SYCP2L: variants seen among roughly 807,000 people sequenced by gnomAD.
The protein encoded by SYCP2L is synaptonemal complex protein 2 like, also known as synaptonemal complex protein 2-like.
In SYCP2L, 98 loss-of-function variants were observed where a neutral mutation model predicts 125.8. That is an observed-to-expected ratio of 0.78 (90% CI 0.66 to 0.92). SYCP2L has a LOEUF of 0.92. Among genes scored for constraint, SYCP2L ranks in the 40% least tolerant of loss-of-function variants. The pLI is 0.00. For synonymous variants in SYCP2L, 317 were observed against 325.4 expected (o/e 0.97, Z 0.28); for missense variants, 842 against 936.4 (o/e 0.90, Z 1.32).
At chr6:10,920,877 T>C (rs910923308) in intron 14 of SYCP2L, among the ~76,000 whole-genome samples, 5 of 152,282 alleles carry the variant, frequency 3.3e-5, no homozygotes, top group East Asian at 1.9e-4. Flanking sequence ...GTGCAGGATG[T>C]ACAGGTTTGT....
chr6:10,928,564 A>T, intron 18 of SYCP2L, 114 bp downstream of exon 18: 1 of 1,376,364 alleles, frequency 7.3e-7, no homozygotes, highest in Non-Finnish European at 9.4e-7. Context: ...CCATCTGTCA[A>T]TTTAAAAAAA....
chr6:10,904,079 G>A (rs987638960), intron 8 of SYCP2L, among the ~76,000 whole-genome samples: 2 of 152,198 alleles, frequency 1.3e-5, no homozygotes, highest in African/African-American at 4.8e-5. Context: ...TATTGTAAAG[G>A]TTAAATCAAG....
chr6:10,935,374 T>G (rs1416503584), intron 21 of SYCP2L, among the ~76,000 whole-genome samples, 187 bp downstream of exon 21: 1 of 152,248 alleles, frequency 6.6e-6, no homozygotes, highest in Non-Finnish European at 1.5e-5. Context: ...CTGTGCCATT[T>G]GAGATCATCT....
chr6:10,898,707 T>A, intron 5 of SYCP2L, 117 bp from the exon 6 acceptor site: 1 of 745,260 alleles, frequency 1.3e-6, no homozygotes, highest in Non-Finnish European at 2.3e-6. Context: ...AAAATGCTTT[T>A]CTTCTGTAAA....
chr6:10,971,315 G>A (rs1781766717), intron 29 of SYCP2L, among the ~76,000 whole-genome samples: 2 of 151,784 alleles, frequency 1.3e-5, no homozygotes, highest in Admixed American at 6.6e-5. Flanking sequence ...AAAATTAGCC[G>A]GGTGTGGTGG....
At chr6:10,894,896 A>G (rs921284884) in intron 4 of SYCP2L, among the ~76,000 whole-genome samples, 1 of 152,162 alleles carries the variant, frequency 6.6e-6, no homozygotes, top group Non-Finnish European at 1.5e-5. Flanking sequence ...CTGGCTGCTA[A>G]TAATGTCTTT....
At chr6:10,893,466 A>C (rs899378768) in intron 2 of SYCP2L, among the ~76,000 whole-genome samples, 16 of 152,292 alleles carry the variant, frequency 1.1e-4, no homozygotes, top group African/African-American at 3.6e-4. Context: ...ATAGGCTTGA[A>C]ATTTTTAGTG....
chr6:10,924,484 A>G lies in SYCP2L; in HGVS notation c.1073-12A>G. The G allele has an allele frequency of 1.9e-6, 3 of 1,554,262 alleles. No homozygotes were observed. Among genetic ancestry groups the G allele is most frequent in the African/African-American group, 1.4e-5 (1 of 71,608 alleles). Reference sequence around the variant, plus strand: ...ATGTTGCTATGCATTGATATTCCATATTTTCTCTTAGAAACGGAGAAGATA... The same window carrying G: ...ATGTTGCTATGCATTGATATTCCATGTTTTCTCTTAGAAACGGAGAAGATA... On this transcript the variant is annotated splice_polypyrimidine_tract_variant and intron_variant, in intron 14 of 29. Coordinates refer to ENST00000283141, the MANE Select transcript of SYCP2L (RefSeq NM_001040274.3).
intron 2 of SYCP2L, among the ~76,000 whole-genome samples, chr6:10,891,873 A>G (rs546474993): frequency 6.6e-6 from 1 of 152,324 alleles, no homozygotes; most frequent in Non-Finnish European, 1.5e-5. Context: ...CCCTGTGCAG[A>G]TATCTTGTGC....
chr6:10,962,015 C>T (rs1185608241), intron 28 of SYCP2L, among the ~76,000 whole-genome samples: 1 of 152,082 alleles, frequency 6.6e-6, no homozygotes, highest in Non-Finnish European at 1.5e-5. Flanking sequence ...TGTAATTCAT[C>T]AATACATCCT....
intron 4 of SYCP2L, among the ~76,000 whole-genome samples, chr6:10,895,880 C>T (rs116333610): frequency 0.018 from 2,719 of 151,932 alleles, 88 homozygotes; most frequent in African/African-American, 0.063. Context: ...ATTCCTGGCA[C>T]GGCGGCTCAC....
chr6:10,892,251 G>A (rs897819856), intron 2 of SYCP2L, among the ~76,000 whole-genome samples: 1 of 152,214 alleles, frequency 6.6e-6, no homozygotes, highest in African/African-American at 2.4e-5. Flanking sequence ...ACGTTCTGCG[G>A]ACTAAAGCAA....
intron 26 of SYCP2L, 146 bp downstream of exon 26, chr6:10,959,021 C>T (rs183907856): frequency 3.5e-5 from 24 of 683,316 alleles, no homozygotes; most frequent in Middle Eastern, 2.4e-4. Context: ...TCTGGGTTTC[C>T]GGTTCTTCAT....
At chr6:10,961,469 C>A in intron 27 of SYCP2L, 31 bp from the exon 28 acceptor site, 1 of 1,613,494 alleles carries the variant, frequency 6.2e-7, no homozygotes, top group Non-Finnish European at 8.5e-7. Flanking sequence ...ATAACGCTAG[C>A]TACTTAAACA....
chr6:10,945,130 G>A (rs1396552928), intron 23 of SYCP2L, among the ~76,000 whole-genome samples: 2 of 152,124 alleles, frequency 1.3e-5, no homozygotes, highest in Non-Finnish European at 2.9e-5. Flanking sequence ...TTTCTACTTT[G>A]ATTGCATTGT....
chr6:10,930,291 C>G, intron 18 of SYCP2L, 79 bp from the exon 19 acceptor site: 1 of 1,457,010 alleles, frequency 6.9e-7, no homozygotes. Flanking sequence ...TTATCTCTAG[C>G]TTTGTAGAAT....
At chr6:10,959,927 T>C (rs1435404428) in intron 26 of SYCP2L, among the ~76,000 whole-genome samples, 1 of 150,248 alleles carries the variant, frequency 6.7e-6, no homozygotes, top group Non-Finnish European at 1.5e-5. Flanking sequence ...AGTGCACAGA[T>C]TTGCACATGC....
At chr6:10,943,554 G>C (rs981643588) in intron 23 of SYCP2L, among the ~76,000 whole-genome samples, 1 of 149,948 alleles carries the variant, frequency 6.7e-6, no homozygotes, top group Non-Finnish European at 1.5e-5. Flanking sequence ...GATGTGTACA[G>C]TTTAAAGAAT....
chr6:10,967,545 A>G (rs1581847697), intron 29 of SYCP2L, among the ~76,000 whole-genome samples: 1 of 151,454 alleles, frequency 6.6e-6, no homozygotes, highest in African/African-American at 2.4e-5. Context: ...GATATCATAC[A>G]TGCAAGGATG....
Sources: gnomAD v4.1 joint callset for allele counts (sites outside exome capture counted in the v4.1 genomes callset) on GRCh38, gnomAD v4.1.1 for gene constraint, MANE v1.5 for transcripts, NCBI Gene and HGNC (gene_info 2026-07-23, HGNC 2026-07-21) for gene names.